SVOPL: variants seen among roughly 807,000 people sequenced by gnomAD.
SVOPL encodes the protein putative transporter SVOPL.
A neutral mutation model predicts 61.0 loss-of-function variants in SVOPL; 60 were observed. The ratio of observed to expected loss-of-function variants is 0.98; its 90% confidence interval spans 0.80 to 1.22. The LOEUF is 1.22. Ranked by LOEUF, SVOPL falls within the 50% of genes most tolerant of loss-of-function variation. The pLI, the probability that SVOPL is intolerant of heterozygous loss-of-function variation, is 0.00. For missense variants in SVOPL, 662 were observed against 643.9 expected (o/e 1.03, Z -0.30); for synonymous variants, 279 against 250.0 (o/e 1.12, Z -1.09).
intron 4 of SVOPL, among the ~76,000 whole-genome samples, chr7:138,666,789 A>T (rs1444632122): frequency 6.6e-6 from 1 of 152,230 alleles, no homozygotes; most frequent in Non-Finnish European, 1.5e-5. Flanking sequence ...TGTATGTTAC[A>T]AACGAGCTTA....
chr7:138,598,295 T>C (rs1319522232), intron 14 of SVOPL, among the ~76,000 whole-genome samples: 1 of 152,140 alleles, frequency 6.6e-6, no homozygotes, highest in African/African-American at 2.4e-5. Context: ...GTAGCTATAC[T>C]GAAGGTTATA....
At chr7:138,629,707 G>A (rs6467784) in intron 10 of SVOPL, among the ~76,000 whole-genome samples, 128,370 of 152,226 alleles carry the variant, frequency 0.84, 54,297 homozygotes, top group African/African-American at 0.88. Flanking sequence ...ACAAGAGTCT[G>A]TGCCACTGGA....
In SVOPL at chr7:138,688,411, AG is replaced by A. The variant is rs368594619; in HGVS notation, c.-34-9333del. Among the ~76,000 whole-genome samples, 784 of 152,098 alleles carry A rather than the reference AG, an allele frequency of 5.2e-3. 6 individuals are homozygous for A. The highest frequency in any genetic ancestry group is 0.018 in the African/African-American group (758 of 41,486). The stretch of plus-strand genomic sequence containing the variant: ...CAGCCTCCCAAGTAGCTAGGATTAC[AG>A]GCATGCACCACCACACTCGGCTAAT... On this transcript the variant is annotated intron_variant, in intron 1 of 15. Coordinates refer to ENST00000674285, the MANE Select transcript of SVOPL (RefSeq NM_001139456.2).
At chr7:138,595,816 C>CT (rs1164827541) in intron 15 of SVOPL, among the ~76,000 whole-genome samples, 1 of 152,142 alleles carries the variant, frequency 6.6e-6, no homozygotes, top group African/African-American at 2.4e-5. Flanking sequence ...AAACAAAGCC[C>CT]TGCATTCACA....
chr7:138,647,245 G>A (rs750881753), intron 8 of SVOPL, among the ~76,000 whole-genome samples: 6 of 151,296 alleles, frequency 4.0e-5, no homozygotes, highest in African/African-American at 7.3e-5. Context: ...GTGGTGGCAC[G>A]CACCTGGCAC....
intron 8 of SVOPL, among the ~76,000 whole-genome samples, chr7:138,645,344 G>T (rs975537162): frequency 3.3e-5 from 5 of 152,080 alleles, no homozygotes; most frequent in African/African-American, 9.7e-5. Context: ...AAACATTATG[G>T]ACTTCCACTG....
At chr7:138,680,879 A>G (rs974198549) in intron 1 of SVOPL, among the ~76,000 whole-genome samples, 8 of 151,960 alleles carry the variant, frequency 5.3e-5, no homozygotes, top group African/African-American at 1.9e-4. Flanking sequence ...TTGCCCGGCC[A>G]GACTTTTTTT....
At chr7:138,602,566 G>A (rs1422994494) in intron 14 of SVOPL, among the ~76,000 whole-genome samples, 2 of 151,646 alleles carry the variant, frequency 1.3e-5, no homozygotes, top group Non-Finnish European at 2.9e-5. Context: ...GACTCCATCC[G>A]ACATTTGCTG....
At chr7:138,605,489 C>T (rs977030106) in intron 14 of SVOPL, among the ~76,000 whole-genome samples, 6 of 151,880 alleles carry the variant, frequency 4.0e-5, no homozygotes, top group Middle Eastern at 3.2e-3. Context: ...CAGCGAAACC[C>T]GGTCTCTACT....
At chr7:138,696,108 T>A (rs1803059837) in intron 1 of SVOPL, among the ~76,000 whole-genome samples, 1 of 152,078 alleles carries the variant, frequency 6.6e-6, no homozygotes, top group Non-Finnish European at 1.5e-5. Flanking sequence ...AAAGACTGTT[T>A]TCCTTCACCA....
chr7:138,648,303 T>G (rs1584830510), intron 8 of SVOPL, among the ~76,000 whole-genome samples: 1 of 151,960 alleles, frequency 6.6e-6, no homozygotes, highest in East Asian at 1.9e-4. Context: ...GACTCCTCAA[T>G]AAAGGTAATA....
rs1801294163 is a variant in SVOPL at position 138,649,132 on chromosome 7, G to C, written c.540C>G (p.Phe180Leu). Residue 180 changes from phenylalanine to leucine, a missense_variant, in exon 8 of 16, where the codon TTC (phenylalanine) becomes TTG (leucine). Physicochemically the swap from Phe to Leu is conservative, Grantham distance 22. Coordinates refer to ENST00000674285, the MANE Select transcript of SVOPL (RefSeq NM_001139456.2). ...RGYMLPLSQV[F>L]WLAGSLLIIG... ...TGATGAGCAGGGAGCCCGCAAGCCA[G>C]AACACCTAGGAAGAGAGAAGTCCAG... 1 of 1,612,076 alleles carries C rather than the reference G, an allele frequency of 6.2e-7. No homozygotes were observed. The highest frequency in any genetic ancestry group is 1.1e-5 in the South Asian group (1 of 90,798).
intron 9 of SVOPL, among the ~76,000 whole-genome samples, chr7:138,640,729 T>TACC (rs2116977116): frequency 6.6e-6 from 1 of 152,130 alleles, no homozygotes; most frequent in South Asian, 2.1e-4. Context: ...CTCATGGACA[T>TACC]AAAGAGGACA....
chr7:138,642,930 C>G (rs1800898624), intron 9 of SVOPL, among the ~76,000 whole-genome samples: 1 of 151,408 alleles, frequency 6.6e-6, no homozygotes, highest in Non-Finnish European at 1.5e-5. Flanking sequence ...AGACTGTAAC[C>G]TTTAAATAAA....
chr7:138,635,062 C>T (rs143939778), intron 9 of SVOPL, among the ~76,000 whole-genome samples: 286 of 152,148 alleles, frequency 1.9e-3, no homozygotes, highest in African/African-American at 6.3e-3. Context: ...CACCTGAGGT[C>T]GGGAGTTCGA....
At chr7:138,618,718 G>C (rs1428055563) in intron 14 of SVOPL, among the ~76,000 whole-genome samples, 1 of 150,722 alleles carries the variant, frequency 6.6e-6, no homozygotes, top group African/African-American at 2.4e-5. Flanking sequence ...GCGAGAGAGA[G>C]AGAGAGGAAG....
intron 7 of SVOPL, among the ~76,000 whole-genome samples, chr7:138,654,027 G>A (rs1801576813): frequency 6.6e-6 from 1 of 151,790 alleles, no homozygotes; most frequent in South Asian, 2.1e-4. Context: ...CAGGTACTTG[G>A]GAGGCTGAGG....
chr7:138,654,756 G>A (rs1673179), intron 7 of SVOPL, among the ~76,000 whole-genome samples: 28,213 of 151,768 alleles, frequency 0.19, 3,023 homozygotes, highest in African/African-American at 0.28. Context: ...CAACACTTTG[G>A]AAGGCTGAGG....
At chr7:138,685,742 G>T (rs1584868679) in intron 1 of SVOPL, among the ~76,000 whole-genome samples, 1 of 151,754 alleles carries the variant, frequency 6.6e-6, no homozygotes, top group Middle Eastern at 3.4e-3. Context: ...TGCAGTGGTG[G>T]GCACCTGTAA....
Sources: allele counts gnomAD v4.1 joint callset (sites outside exome capture counted in the v4.1 genomes callset), GRCh38; gene constraint gnomAD v4.1.1; transcripts MANE v1.5; gene names NCBI Gene and HGNC (gene_info 2026-07-23, HGNC 2026-07-21).